Variants in DCC observed in about 807,000 individuals in gnomAD.
DCC encodes the protein DCC netrin 1 receptor.
In DCC, 58 loss-of-function variants were observed where a neutral mutation model predicts 172.5. The ratio of observed to expected loss-of-function variants is 0.34; its 90% CI spans 0.27 to 0.42. DCC has a LOEUF of 0.42. DCC is among the 10% of genes least tolerant of loss of function. DCC has a pLI of 1.00. For synonymous variants in DCC, 709 were observed against 644.5 expected (o/e 1.10, Z -1.52); for missense variants, 1,740 against 1,791.0 (o/e 0.97, Z 0.51).
chr18:52,599,486 T>C (rs1330914480), intron 1 of DCC, among the ~76,000 whole-genome samples: 2 of 152,070 alleles, frequency 1.3e-5, no homozygotes, highest in East Asian at 3.9e-4. Context: ...TTTTCACATG[T>C]CAAGTAATAT....
intron 15 of DCC, among the ~76,000 whole-genome samples, chr18:53,350,342 C>A (rs1468437261): frequency 1.3e-5 from 2 of 152,284 alleles, no homozygotes; most frequent in Middle Eastern, 6.8e-3. Flanking sequence ...TAGGGTTTTA[C>A]ATCTGTTACT....
At chr18:52,741,423 A>G (rs1162804559) in intron 1 of DCC, among the ~76,000 whole-genome samples, 1 of 151,996 alleles carries the variant, frequency 6.6e-6, no homozygotes, top group African/African-American at 2.4e-5. Flanking sequence ...ATGTTTTGGG[A>G]TGGGTAATTT....
intron 5 of DCC, among the ~76,000 whole-genome samples, chr18:53,031,913 C>A (rs1175006240): frequency 6.6e-6 from 1 of 151,910 alleles, no homozygotes; most frequent in Non-Finnish European, 1.5e-5. Flanking sequence ...TTTTAATTTT[C>A]TGTTAATGCA....
intron 27 of DCC, among the ~76,000 whole-genome samples, chr18:53,514,448 G>C (rs951687641): frequency 1.3e-5 from 2 of 150,140 alleles, no homozygotes; most frequent in Admixed American, 1.3e-4. Context: ...AAATAAATCA[G>C]AGCAGAACTG....
At chr18:52,983,961 C>T (rs373353741) in intron 5 of DCC, among the ~76,000 whole-genome samples, 4 of 151,904 alleles carry the variant, frequency 2.6e-5, no homozygotes, top group East Asian at 1.9e-4. Flanking sequence ...TAAGCAAAGA[C>T]GATTTTTCCA....
chr18:52,364,540 A>G (rs1216151946), intron 1 of DCC, among the ~76,000 whole-genome samples: 3 of 152,218 alleles, frequency 2.0e-5, no homozygotes, highest in Non-Finnish European at 4.4e-5. Flanking sequence ...GAACTTGGAA[A>G]TCTGCTAGAT....
chr18:52,616,116 G>A (rs1052606779), intron 1 of DCC, among the ~76,000 whole-genome samples: 1 of 152,022 alleles, frequency 6.6e-6, no homozygotes, highest in African/African-American at 2.4e-5. Context: ...AATTGACACT[G>A]GTATATTAGT....
chr18:53,445,451 G>A (rs1912539670), intron 22 of DCC, among the ~76,000 whole-genome samples: 1 of 152,036 alleles, frequency 6.6e-6, no homozygotes, highest in Admixed American at 6.6e-5. Flanking sequence ...TAGCTATTGG[G>A]GCACAGCCAT....
intron 7 of DCC, among the ~76,000 whole-genome samples, chr18:53,091,075 C>T (rs2043000749): frequency 6.6e-6 from 1 of 151,908 alleles, no homozygotes; most frequent in Non-Finnish European, 1.5e-5. Flanking sequence ...TCAATCCCAG[C>T]AAAAGTTGAG....
chr18:52,601,501 C>T (rs140190821), intron 1 of DCC, among the ~76,000 whole-genome samples: 17 of 152,088 alleles, frequency 1.1e-4, no homozygotes, highest in South Asian at 2.1e-4. Context: ...CTTCTACTTC[C>T]GAAGCCTCTA....
intron 12 of DCC, among the ~76,000 whole-genome samples, chr18:53,294,712 C>T (rs11664158): frequency 0.024 from 3,654 of 152,142 alleles, 72 homozygotes; most frequent in Non-Finnish European, 0.033. Context: ...AGAGCTGGGA[C>T]CCAAATCAAA....
intron 1 of DCC, among the ~76,000 whole-genome samples, chr18:52,629,949 CAAAAAAA>C (rs540334133): frequency 2.4e-4 from 10 of 40,912 alleles, no homozygotes; most frequent in Admixed American, 8.3e-4. Context: ...GACTCCGTCT[CAAAAAAA>C]AAAAAAAAAA....
chr18:52,351,218 A>AAG (rs1320502323), intron 1 of DCC, among the ~76,000 whole-genome samples: 1 of 152,180 alleles, frequency 6.6e-6, no homozygotes, highest in Non-Finnish European at 1.5e-5. Context: ...CATGAATTCC[A>AAG]AGATCAGTGT....
intron 1 of DCC, among the ~76,000 whole-genome samples, chr18:52,743,248 T>G (rs2036851412): frequency 1.3e-5 from 2 of 152,174 alleles, no homozygotes; most frequent in Admixed American, 1.3e-4. Context: ...AGTTCTGCAT[T>G]TATAAAATGC....
intron 21 of DCC, among the ~76,000 whole-genome samples, chr18:53,432,574 A>G (rs533704205): frequency 6.6e-6 from 1 of 152,284 alleles, no homozygotes; most frequent in African/African-American, 2.4e-5. Context: ...AACCAAGGTA[A>G]CTAAACACAT....
chr18:53,169,753 A>C (rs2144438097), intron 8 of DCC, among the ~76,000 whole-genome samples: 1 of 152,260 alleles, frequency 6.6e-6, no homozygotes, highest in South Asian at 2.1e-4. Context: ...GAACAATACA[A>C]GTTTACCCAA....
At chr18:52,839,563 C>G (rs1308142691) in intron 2 of DCC, among the ~76,000 whole-genome samples, 1 of 152,156 alleles carries the variant, frequency 6.6e-6, no homozygotes, top group Non-Finnish European at 1.5e-5. Flanking sequence ...CCCCACCAGC[C>G]CTCTTCTTGA....
intron 22 of DCC, among the ~76,000 whole-genome samples, chr18:53,444,041 A>G (rs1912444908): frequency 6.6e-6 from 1 of 152,224 alleles, no homozygotes; most frequent in Non-Finnish European, 1.5e-5. Flanking sequence ...GATGTTGTGA[A>G]TATTTTTGAA....
intron 1 of DCC, among the ~76,000 whole-genome samples, chr18:52,445,849 A>G (rs1988103322): frequency 6.6e-6 from 1 of 152,216 alleles, no homozygotes. Context: ...CACAGATAGT[A>G]ACTCTTGAAT....
Sources: allele counts gnomAD v4.1 joint callset (sites outside exome capture counted in the v4.1 genomes callset), GRCh38; gene constraint gnomAD v4.1.1; transcripts MANE v1.5; gene names NCBI Gene and HGNC (gene_info 2026-07-23, HGNC 2026-07-21).